PIK3CG: variants seen among roughly 807,000 people sequenced by gnomAD.
The protein encoded by PIK3CG is phosphatidylinositol 4,5-bisphosphate 3-kinase catalytic subunit gamma isoform.
In PIK3CG, 55 loss-of-function variants were observed where a neutral mutation model predicts 102.3. The observed-to-expected ratio is 0.54, with a 90% CI of 0.43 to 0.67. The LOEUF (loss-of-function observed/expected upper bound fraction) is 0.67. Ranked by LOEUF, PIK3CG falls within the 30% of genes least tolerant of loss-of-function variation. The pLI, the probability that PIK3CG is intolerant of heterozygous loss-of-function variation, is 0.00. For synonymous variants in PIK3CG, 552 were observed against 540.0 expected (o/e 1.02, Z -0.31); for missense variants, 1,258 against 1,391.8 (o/e 0.90, Z 1.53).
Position 106,904,991 on chromosome 7 carries a change from G to C in PIK3CG, c.3031-118G>C, listed in dbSNP as rs1791650720. ...GTTTTTCATCTGAGGCAGGGACCTTGATGGTTTCTTCTCATGGACAGGTAA... is the reference window on the plus strand; with the variant it reads ...GTTTTTCATCTGAGGCAGGGACCTTCATGGTTTCTTCTCATGGACAGGTAA... On this transcript the variant is annotated intron_variant, in intron 10 of 10. Transcript: ENST00000496166. 8 of 861,092 alleles carry C rather than the reference G, an allele frequency of 9.3e-6. No individual in the cohort carries two copies. The South Asian group carries it at 1.2e-4, about 13-fold the overall frequency. 53.3% of individuals were successfully genotyped at this position (861,092 alleles called of 1,614,324 possible).
chr7:106,881,047 A>G (rs573399212), intron 6 of PIK3CG, among the ~76,000 whole-genome samples: 199 of 152,298 alleles, frequency 1.3e-3, no homozygotes, highest in Admixed American at 2.2e-3. Flanking sequence ...CCTTCACTCA[A>G]CAAAAACATA....
At position 106,893,748 on chromosome 7, in the gene PIK3CG, A is replaced by G. The variant is rs1791325498; in HGVS notation, c.3030+7456A>G. ...CTTCCTATAGCAAGTACTGTCATGC[A>G]TTGCTTAACAGTGGGGATACATACA... is the stretch of plus-strand genomic sequence containing the variant. On this transcript the variant is annotated intron_variant, in intron 10 of 10. Coordinates refer to ENST00000496166, the MANE Select transcript of PIK3CG (RefSeq NM_001282426.2). The surrounding 1 kb of genome is among the most constrained non-coding windows in gnomAD (Gnocchi z 4.4). 6.6e-6 allele frequency among the ~76,000 whole-genome samples: 1 copy of G among 152,228 alleles called. No individual in the cohort carries two copies. The highest frequency in any genetic ancestry group is 1.5e-5 in the Non-Finnish European group (1 of 68,036).
At chr7:106,866,064 A>C (rs1007772097) in intron 1 of PIK3CG, among the ~76,000 whole-genome samples, 7 of 152,342 alleles carry the variant, frequency 4.6e-5, no homozygotes, top group Non-Finnish European at 8.8e-5. Flanking sequence ...TTGGTTTTAA[A>C]AGTTAAGCCA....
chr7:106,892,359 G>T lies in PIK3CG; in HGVS notation c.3030+6067G>T, dbSNP rs1791286907. The stretch of plus-strand genomic sequence containing the variant: ...GCCTTATTCACCATATCCAAAATAG[G>T]ACACTAATTCAACGCACACTGACTA... On this transcript the variant is annotated intron_variant, in intron 10 of 10. Coordinates refer to ENST00000496166, the MANE Select transcript of PIK3CG (RefSeq NM_001282426.2). The surrounding 1 kb of genome is among the most constrained non-coding windows in gnomAD (Gnocchi z 5.2). Among the ~76,000 whole-genome samples, 2 of 152,140 alleles carry T rather than the reference G, an allele frequency of 1.3e-5. No individual in the cohort carries two copies.
Position 106,879,004 on chromosome 7 carries a change from AG to A in PIK3CG, c.2392-510del, listed in dbSNP as rs1337028249. Among the ~76,000 whole-genome samples the A allele has an allele frequency of 1.3e-5, 2 of 152,162 alleles. No homozygotes were observed. Among genetic ancestry groups the A allele is most frequent in the East Asian group, 3.8e-4 (2 of 5,202 alleles). On this transcript the variant is annotated intron_variant, in intron 5 of 10. Coordinates refer to ENST00000496166, the MANE Select transcript of PIK3CG (RefSeq NM_001282426.2). The surrounding 1 kb of genome is among the most constrained non-coding windows in gnomAD (Gnocchi z 4.9). ...GAATTTATTTAGATGTATGAGGTTT[AG>A]GGGGAGGGCGTGTTGTACCTAAATG...
chr7:106,892,746 A>G lies in PIK3CG; in HGVS notation c.3030+6454A>G, dbSNP rs1478631586. ...CAGAGGGAGCAATTAATCCTGCCCT[A>G]GAGGATAGAAAAGGGCTATTCAGAG... On this transcript the variant is annotated intron_variant, in intron 10 of 10. Transcript: ENST00000496166. The surrounding 1 kb of genome is among the most constrained non-coding windows in gnomAD (Gnocchi z 5.2). Among the ~76,000 whole-genome samples the G allele has an allele frequency of 3.9e-5, 6 of 152,172 alleles. No individual in the cohort carries two copies. The highest frequency in any genetic ancestry group is 1.4e-4 in the African/African-American group (6 of 41,434).
chr7:106,876,691 G>A (rs13225324), intron 5 of PIK3CG, among the ~76,000 whole-genome samples: 39,575 of 151,602 alleles, frequency 0.26, 5,861 homozygotes, highest in Admixed American at 0.38. Flanking sequence ...GTGAGCCACC[G>A]CACCTGGACC....
intron 9 of PIK3CG, among the ~76,000 whole-genome samples, 164 bp from the exon 10 acceptor site, chr7:106,885,968 GCTA>G (rs572660797): frequency 2.0e-4 from 31 of 152,280 alleles, no homozygotes; most frequent in African/African-American, 5.5e-4. Context: ...ATGTTTTGTG[GCTA>G]CGACTTTCAC....
intron 5 of PIK3CG, among the ~76,000 whole-genome samples, chr7:106,875,788 G>A (rs1165341300): frequency 6.6e-6 from 1 of 151,640 alleles, no homozygotes; most frequent in Non-Finnish European, 1.5e-5. Context: ...GTGTGTGTGT[G>A]TAATTTTACA....
chr7:106,876,698 G>A (rs577600226), intron 5 of PIK3CG, among the ~76,000 whole-genome samples: 47 of 152,052 alleles, frequency 3.1e-4, no homozygotes, highest in Admixed American at 1.4e-3. Flanking sequence ...ACCGCACCTG[G>A]ACCTTAGTTT....
intron 2 of PIK3CG, among the ~76,000 whole-genome samples, chr7:106,871,744 T>C (rs1461551500): frequency 8.5e-5 from 13 of 152,262 alleles, no homozygotes. Flanking sequence ...ATGAAACACC[T>C]ATGCACTCAC....
At chr7:106,887,810 T>C (rs1439150780) in intron 10 of PIK3CG, among the ~76,000 whole-genome samples, 1 of 152,102 alleles carries the variant, frequency 6.6e-6, no homozygotes, top group Admixed American at 6.6e-5. Context: ...AAAACACTCA[T>C]GTCTTCTCTC....
chr7:106,895,852 A>G lies in PIK3CG; in HGVS notation c.3031-9257A>G, dbSNP rs888318404. Among the ~76,000 whole-genome samples the G allele has an allele frequency of 6.6e-6, 1 of 152,250 alleles. No individual in the cohort carries two copies. The highest frequency in any genetic ancestry group is 1.5e-5 in the Non-Finnish European group (1 of 68,040). On this transcript the variant is annotated intron_variant, in intron 10 of 10. Transcript: ENST00000496166. This position sits in a 1 kb window ranked among gnomAD's most constrained non-coding sequence, Gnocchi z 5.4. ...GGTTAAGTGACTTCTCCAGTGATAT[A>G]TAGTTTACCAGTAATAAAGCCAAAA...
chr7:106,868,455 G>A lies in PIK3CG; in HGVS notation c.894G>A (p.Lys298=), dbSNP rs2116441003. ...TCCAGTGGGTGAGGCACTGCCTCAA[G>A]AACGGAGAAGAGATTCACGTGGTAC... ...KNFQWVRHCL[K]NGEEIHVVLD... is the part of the protein sequence containing the mutation. Residue 298 remains lysine, a synonymous_variant, in exon 2 of 11, where the codon AAG becomes AAA. Coordinates refer to ENST00000496166, the MANE Select transcript of PIK3CG (RefSeq NM_001282426.2). The surrounding 1 kb of genome is among the most constrained non-coding windows in gnomAD (Gnocchi z 6.2). The A allele has an allele frequency of 6.2e-7, 1 of 1,614,236 alleles. No homozygotes were observed. Among genetic ancestry groups the A allele is most frequent in the Non-Finnish European group, 8.5e-7 (1 of 1,180,042 alleles).
In PIK3CG at chr7:106,892,032, C is replaced by T. The variant is rs1194077197; in HGVS notation, c.3030+5740C>T. Among the ~76,000 whole-genome samples, 1 of 152,050 alleles carries T rather than the reference C, an allele frequency of 6.6e-6. No homozygotes were observed. The highest frequency in any genetic ancestry group is 1.5e-5 in the Non-Finnish European group (1 of 68,034). ...GGGTCCCACATTGTTTTAACTGCTT[C>T]TGTTTCAGTTTCTCCACCAGAGGTC... is the stretch of plus-strand genomic sequence containing the variant. On this transcript the variant is annotated intron_variant, in intron 10 of 10. Transcript: ENST00000496166. This position sits in a 1 kb window ranked among gnomAD's most constrained non-coding sequence, Gnocchi z 5.2.
At position 106,902,268 on chromosome 7, in the gene PIK3CG, G is replaced by T. The variant is rs1241495907; in HGVS notation, c.3031-2841G>T. The stretch of plus-strand genomic sequence containing the variant: ...CTGTCTTGTGTCAAGCAATGCGGGG[G>T]GTGTGTGGGATGCACGGGAGACACA... On this transcript the variant is annotated intron_variant, in intron 10 of 10. Coordinates refer to ENST00000496166, the MANE Select transcript of PIK3CG (RefSeq NM_001282426.2). The surrounding 1 kb of genome is among the most constrained non-coding windows in gnomAD (Gnocchi z 4.3). Among the ~76,000 whole-genome samples the T allele has an allele frequency of 6.6e-6, 1 of 152,044 alleles. No homozygotes were observed. Among genetic ancestry groups the T allele is most frequent in the Non-Finnish European group, 1.5e-5 (1 of 67,998 alleles).
In PIK3CG at chr7:106,899,821, T is replaced by A. The variant is rs1426415775; in HGVS notation, c.3031-5288T>A. 2.0e-5 allele frequency among the ~76,000 whole-genome samples: 3 copies of A among 152,164 alleles called. No individual in the cohort carries two copies. The highest frequency in any genetic ancestry group is 6.5e-5 in the Admixed American group (1 of 15,284). ...CAAGGATATTGGCCTGAAGTTTTCT[T>A]TTTTGTGTGTTTCTGCCAGGTTTTG... On this transcript the variant is annotated intron_variant, in intron 10 of 10. Coordinates refer to ENST00000496166, the MANE Select transcript of PIK3CG (RefSeq NM_001282426.2). This position sits in a 1 kb window ranked among gnomAD's most constrained non-coding sequence, Gnocchi z 4.6.
At position 106,886,218 on chromosome 7, in the gene PIK3CG, G is replaced by T. The variant is rs770438878; in HGVS notation, c.2956G>T (p.Val986Leu). ...LGINKERVPF[V>L]LTPDFLFVMG... is the part of the protein sequence containing the mutation. Reference sequence around the variant, plus strand: ...CATTAATAAAGAGAGAGTGCCATTTGTGCTAACCCCTGACTTCCTCTTTGT... The same window carrying T: ...CATTAATAAAGAGAGAGTGCCATTTTTGCTAACCCCTGACTTCCTCTTTGT... The change falls in exon 10 of 11, where the codon GTG (valine) becomes TTG (leucine). Residue 986 changes from valine (V) to leucine (L), a missense_variant. Val to Leu is a conservative substitution (Grantham distance 32). Transcript: ENST00000496166. 2.2e-5 allele frequency: 35 copies of T among 1,614,012 alleles called. No homozygotes were observed. Among genetic ancestry groups the T allele is most frequent in the Non-Finnish European group, 2.8e-5 (33 of 1,179,988 alleles).
chr7:106,873,602 G>C (rs1239585315), intron 4 of PIK3CG, among the ~76,000 whole-genome samples: 1 of 152,144 alleles, frequency 6.6e-6, no homozygotes, highest in East Asian at 1.9e-4. Context: ...GAAGTGCATA[G>C]GTCATATGCA....
Sources: allele counts gnomAD v4.1 joint callset (sites outside exome capture counted in the v4.1 genomes callset), GRCh38; gene constraint gnomAD v4.1.1; non-coding constraint Gnocchi (gnomAD v3.1); transcripts MANE v1.5; gene names NCBI Gene and HGNC (gene_info 2026-07-23, HGNC 2026-07-21).